Variants in FAT3 observed in about 807,000 individuals in gnomAD.
FAT3 encodes FAT atypical cadherin 3.
Under a neutral mutation model 310.2 loss-of-function variants are expected in FAT3, and 95 were observed. The observed-to-expected ratio is 0.31, with a 90% CI of 0.26 to 0.36. The LOEUF is 0.36. FAT3 is among the 10% of genes least tolerant of loss of function. FAT3 has a pLI of 1.00. For missense variants in FAT3, 5,408 were observed against 5,715.6 expected, an observed-to-expected ratio of 0.95 and a Z score of 1.74; for synonymous variants, 2,314 against 2,192.9, an observed-to-expected ratio of 1.06 and a Z score of -1.54.
chr11:92,373,756 GTATGCA>G (rs1949259866), intron 2 of FAT3, among the ~76,000 whole-genome samples: 2 of 131,590 alleles, frequency 1.5e-5, no homozygotes, highest in Admixed American at 8.2e-5. Flanking sequence ...GTGGAGATAT[GTATGCA>G]CACACACACA....
intron 2 of FAT3, among the ~76,000 whole-genome samples, chr11:92,369,056 T>A (rs991774933): frequency 4.6e-5 from 7 of 152,126 alleles, no homozygotes; most frequent in African/African-American, 1.7e-4. Flanking sequence ...AACTTAATTC[T>A]CTTTTAGACA....
At chr11:92,842,629 T>C (rs1948580931) in intron 18 of FAT3, among the ~76,000 whole-genome samples, 1 of 152,230 alleles carries the variant, frequency 6.6e-6, no homozygotes, top group South Asian at 2.1e-4. Context: ...CCCAGTACTT[T>C]GGTAGGCCAA....
chr11:92,573,408 T>C (rs1938290953), intron 3 of FAT3, among the ~76,000 whole-genome samples: 1 of 152,122 alleles, frequency 6.6e-6, no homozygotes, highest in Admixed American at 6.6e-5. Flanking sequence ...TTATTGGATG[T>C]GAACACAAAC....
intron 2 of FAT3, among the ~76,000 whole-genome samples, chr11:92,495,345 C>T (rs917224214): frequency 5.3e-5 from 8 of 151,964 alleles, no homozygotes; most frequent in Non-Finnish European, 7.4e-5. Flanking sequence ...CTCTGCCCAG[C>T]GCGCATCTCC....
chr11:92,814,402 AG>A (rs11345561), intron 13 of FAT3, among the ~76,000 whole-genome samples: 69,522 of 112,340 alleles, frequency 0.62, 17,825 homozygotes, highest in East Asian at 0.84. Flanking sequence ...TTATTGTTAG[AG>A]TCATTGCCTG....
chr11:92,547,037 C>T (rs1338547590), intron 3 of FAT3, among the ~76,000 whole-genome samples: 1 of 152,162 alleles, frequency 6.6e-6, no homozygotes, highest in Non-Finnish European at 1.5e-5. Context: ...GTCTTATGCT[C>T]AGACCTTATG....
At chr11:92,618,172 C>T (rs1940909355) in intron 3 of FAT3, among the ~76,000 whole-genome samples, 1 of 152,238 alleles carries the variant, frequency 6.6e-6, no homozygotes, top group Admixed American at 6.5e-5. Context: ...CTACTCAAGC[C>T]TCAGCAATGG....
At chr11:92,619,345 T>C (rs970138988) in intron 3 of FAT3, among the ~76,000 whole-genome samples, 15 of 152,176 alleles carry the variant, frequency 9.9e-5, no homozygotes, top group Admixed American at 3.3e-4. Flanking sequence ...TGTGATGATT[T>C]TGGTATCAGG....
intron 2 of FAT3, among the ~76,000 whole-genome samples, chr11:92,438,382 G>A (rs988187880): frequency 9.9e-5 from 15 of 152,076 alleles, no homozygotes; most frequent in African/African-American, 3.4e-4. Context: ...GAATCAAAAT[G>A]TTAAACAATA....
At chr11:92,690,563 C>T (rs1350933718) in intron 3 of FAT3, among the ~76,000 whole-genome samples, 1 of 152,098 alleles carries the variant, frequency 6.6e-6, no homozygotes, top group African/African-American at 2.4e-5. Flanking sequence ...GATGTTGTAG[C>T]TCTTGTATAT....
intron 2 of FAT3, among the ~76,000 whole-genome samples, chr11:92,404,772 G>A (rs1407121486): frequency 1.3e-5 from 2 of 151,970 alleles, no homozygotes; most frequent in Non-Finnish European, 2.9e-5. Flanking sequence ...ACCATTGTGG[G>A]TGAGTATCAC....
intron 2 of FAT3, among the ~76,000 whole-genome samples, chr11:92,469,935 A>G (rs1350022324): frequency 1.3e-5 from 2 of 152,226 alleles, no homozygotes; most frequent in Non-Finnish European, 2.9e-5. Context: ...TTTCATTTAC[A>G]TGTTGTAACA....
At position 92,857,260 on chromosome 11, in the gene FAT3, T is replaced by C; in HGVS notation, c.11412T>C (p.Cys3804=). 1 of 1,613,998 alleles carries C rather than the reference T, an allele frequency of 6.2e-7. No homozygotes were observed. Among genetic ancestry groups the C allele is most frequent in the Non-Finnish European group, 8.5e-7 (1 of 1,179,884 alleles). Residue 3804 remains cysteine, a synonymous_variant, in exon 20 of 28, where the codon TGT becomes TGC. Coordinates refer to ENST00000525166, the MANE Select transcript of FAT3 (RefSeq NM_001367949.2). ...GSNDPCVEKP[C]PGDMQCVSYE... ...ACGATCCTTGTGTGGAGAAGCCGTGTCCAGGGGACATGCAGTGTGTCAGTT... is the reference window on the plus strand; with the variant it reads ...ACGATCCTTGTGTGGAGAAGCCGTGCCCAGGGGACATGCAGTGTGTCAGTT...
At chr11:92,641,229 G>T (rs1418696521) in intron 3 of FAT3, among the ~76,000 whole-genome samples, 1 of 151,930 alleles carries the variant, frequency 6.6e-6, no homozygotes, top group African/African-American at 2.4e-5. Flanking sequence ...CATATACTAT[G>T]CATTCTCTCT....
chr11:92,811,689 G>A (rs762458956), intron 13 of FAT3, among the ~76,000 whole-genome samples: 2 of 152,072 alleles, frequency 1.3e-5, no homozygotes, highest in Non-Finnish European at 2.9e-5. Context: ...GATCTTACCA[G>A]TACCTTGATC....
intron 2 of FAT3, among the ~76,000 whole-genome samples, chr11:92,413,735 T>C (rs1383060732): frequency 6.6e-6 from 1 of 152,224 alleles, no homozygotes; most frequent in Non-Finnish European, 1.5e-5. Context: ...CAGCACAAAG[T>C]TGAAAATTTA....
At chr11:92,684,789 T>A (rs971193041) in intron 3 of FAT3, among the ~76,000 whole-genome samples, 1 of 152,180 alleles carries the variant, frequency 6.6e-6, no homozygotes, top group African/African-American at 2.4e-5. Context: ...TGCAGCTATC[T>A]GATTCTTCCT....
intron 4 of FAT3, among the ~76,000 whole-genome samples, chr11:92,708,434 A>C (rs540276133): frequency 3.2e-4 from 48 of 152,378 alleles, no homozygotes; most frequent in African/African-American, 1.1e-3. Flanking sequence ...TGTGACCTAC[A>C]GCCAAATTAC....
chr11:92,433,730 G>T (rs1950855962), intron 2 of FAT3, among the ~76,000 whole-genome samples: 1 of 152,052 alleles, frequency 6.6e-6, no homozygotes, highest in Non-Finnish European at 1.5e-5. Flanking sequence ...GCCATCACTG[G>T]CTGGGTGTGG....
Sources: allele counts gnomAD v4.1 joint callset (sites outside exome capture counted in the v4.1 genomes callset), GRCh38; gene constraint gnomAD v4.1.1; transcripts MANE v1.5; gene names NCBI Gene and HGNC (gene_info 2026-07-23, HGNC 2026-07-21).